The following VIPR2 variants were observed in gnomAD, a reference collection of about 807,000 sequenced individuals.
The protein encoded by VIPR2 is vasoactive intestinal polypeptide receptor 2.
VIPR2 carries 48 observed loss-of-function variants against 58.0 expected under a neutral mutation model. That is an observed-to-expected ratio of 0.83 (90% confidence interval 0.66 to 1.05). The LOEUF is 1.05. Among genes scored for constraint, VIPR2 ranks in the 50% least tolerant of loss-of-function variants. VIPR2 has a pLI of 0.00. For synonymous variants in VIPR2, 243 were observed against 235.2 expected, an observed-to-expected ratio of 1.03 and a Z score of -0.30; for missense variants, 534 against 558.0, an observed-to-expected ratio of 0.96 and a Z score of 0.43.
chr7:159,144,228 G>A, intron 1 of VIPR2: 1 of 1,313,862 alleles, frequency 7.6e-7, no homozygotes. Context: ...GTGCCCTTGG[G>A]AAAAAGCAAC....
Position 159,072,073 on chromosome 7 carries a change from C to T in VIPR2, c.358-13495G>A, listed in dbSNP as rs141086329. 5.3e-3 allele frequency among the ~76,000 whole-genome samples: 676 copies of T among 128,596 alleles called. 1 individual carries two copies. The highest frequency in any genetic ancestry group is 0.012 in the African/African-American group (379 of 31,064). 84.4% of individuals were successfully genotyped at this position (128,596 alleles called of 152,430 possible). A position where few individuals can be genotyped will look rare whatever the true frequency, so the allele number is the denominator to read the frequency against. ...AATCCAGAATCCCATGTCTCTAGGC[C>T]GGGAACCCTGCAGCACCTGCTGGAT... On this transcript the variant is annotated intron_variant, in intron 4 of 12. Coordinates refer to ENST00000262178, the MANE Select transcript of VIPR2 (RefSeq NM_003382.5).
chr7:159,144,373 G>A, intron 1 of VIPR2: 2 of 1,542,996 alleles, frequency 1.3e-6, no homozygotes, highest in Middle Eastern at 1.7e-4. Context: ...CGCGCAGCCC[G>A]CGCAGGCGCC....
rs746157412 is a variant in VIPR2 at position 159,034,545 on chromosome 7, CCA to C, written c.879+34_879+35del. The C allele has an allele frequency of 5.0e-6, 8 of 1,591,770 alleles. No individual in the cohort carries two copies. In the East Asian group the frequency reaches 1.8e-4, roughly 36 times the overall value. On this transcript the variant is annotated intron_variant, in intron 9 of 12. Coordinates refer to ENST00000262178, the MANE Select transcript of VIPR2 (RefSeq NM_003382.5). The stretch of plus-strand genomic sequence containing the variant: ...TTGCTGTCTGCCCAAGTGTGTGATT[CCA>C]CAGATAATCCACATGTCAACAGGGA...
intron 4 of VIPR2, among the ~76,000 whole-genome samples, chr7:159,067,588 T>G (rs1245054751): frequency 1.3e-5 from 2 of 152,192 alleles, no homozygotes; most frequent in East Asian, 3.8e-4. Context: ...GAATGTACAA[T>G]AGCTCTGATC....
At chr7:159,120,827 T>C (rs1425601955) in intron 2 of VIPR2, among the ~76,000 whole-genome samples, 1 of 152,204 alleles carries the variant, frequency 6.6e-6, no homozygotes, top group African/African-American at 2.4e-5. Context: ...AGTATTTCTG[T>C]CCACTCTTTG....
intron 2 of VIPR2, among the ~76,000 whole-genome samples, chr7:159,136,008 G>T (rs1435935945): frequency 1.3e-5 from 2 of 152,160 alleles, no homozygotes; most frequent in Non-Finnish European, 2.9e-5. Context: ...TGACCAAAGA[G>T]GTTCGAGTCC....
rs2129495517 is a variant in VIPR2, at chr7:159,095,570, A to T, written c.357+8187T>A. ...TTAAAATTTGATTTTTGTAAATATA[A>T]AACCAATATATTCTTATTTTTGAAA... On this transcript the variant is annotated intron_variant, in intron 4 of 12. Transcript: ENST00000262178. The surrounding 1 kb of genome is among the most constrained non-coding windows in gnomAD (Gnocchi z 5.2). Among the ~76,000 whole-genome samples the T allele has an allele frequency of 6.6e-6, 1 of 152,344 alleles. No individual in the cohort carries two copies. Among genetic ancestry groups the T allele is most frequent in the South Asian group, 2.1e-4 (1 of 4,824 alleles).
chr7:159,076,789 G>T (rs957889517), intron 4 of VIPR2, among the ~76,000 whole-genome samples: 1 of 152,186 alleles, frequency 6.6e-6, no homozygotes, highest in African/African-American at 2.4e-5. Flanking sequence ...TCTTTGGTGA[G>T]TAAGAATATC....
chr7:159,038,918 C>T (rs1042633260), intron 6 of VIPR2, among the ~76,000 whole-genome samples: 1 of 152,124 alleles, frequency 6.6e-6, no homozygotes, highest in Non-Finnish European at 1.5e-5. Context: ...ATTTTTATGA[C>T]GCCAATATTA....
chr7:159,058,705 T>C, intron 4 of VIPR2, 127 bp from the exon 5 acceptor site: 4 of 680,950 alleles, frequency 5.9e-6, no homozygotes, highest in Middle Eastern at 5.3e-4. Flanking sequence ...AGGCACGAGA[T>C]AGTCTCGCTT....
chr7:159,039,038 G>A (rs1026671612), intron 6 of VIPR2, among the ~76,000 whole-genome samples: 1 of 152,232 alleles, frequency 6.6e-6, no homozygotes, highest in Non-Finnish European at 1.5e-5. Flanking sequence ...CAGTGCCAAC[G>A]CCCACCAGAC....
At chr7:159,113,324 C>T (rs189568066) in intron 2 of VIPR2, among the ~76,000 whole-genome samples, 3 of 152,328 alleles carry the variant, frequency 2.0e-5, no homozygotes, top group East Asian at 3.9e-4. Flanking sequence ...CCCGTGCATG[C>T]AGCCCCTGTC....
intron 3 of VIPR2, among the ~76,000 whole-genome samples, chr7:159,105,492 T>A (rs981913671): frequency 2.6e-5 from 4 of 152,184 alleles, no homozygotes; most frequent in African/African-American, 9.7e-5. Flanking sequence ...GTGGGGTGCG[T>A]GCATGATTCT....
At chr7:159,048,697 G>A (rs1440717441) in intron 5 of VIPR2, among the ~76,000 whole-genome samples, 1 of 152,114 alleles carries the variant, frequency 6.6e-6, no homozygotes, top group East Asian at 1.9e-4. Context: ...TTAAAATGAG[G>A]CTACTAGAAT....
At chr7:159,070,254 G>A (rs1048946201) in intron 4 of VIPR2, among the ~76,000 whole-genome samples, 2 of 152,192 alleles carry the variant, frequency 1.3e-5, no homozygotes, top group Admixed American at 1.3e-4. Context: ...CCAAGCAGCC[G>A]CCCCTGCATC....
chr7:159,035,976 G>A lies in VIPR2; in HGVS notation c.785C>T (p.Ala262Val). 6.2e-7 allele frequency: 1 copy of A among 1,613,794 alleles called. No individual in the cohort carries two copies. Among genetic ancestry groups the A allele is most frequent in the Non-Finnish European group, 8.5e-7 (1 of 1,179,908 alleles). The change falls in exon 8 of 13, where the codon GCC becomes GTC. Residue 262 changes from alanine (A) to valine (V), a missense_variant. This residue lies in a region of VIPR2 where 306 missense variants were observed against 285.8 expected (regional missense o/e 1.07). Coordinates refer to ENST00000262178, the MANE Select transcript of VIPR2 (RefSeq NM_003382.5). The stretch of plus-strand genomic sequence containing the variant: ...CCCGGTGTCTTCTAAGTAGAGCCTG[G>A]CCGCAGTCCATGCACCGATGCAGAC... ...PTVCIGAWTA[A>V]RLYLEDTGCW...
At chr7:159,075,666 A>G (rs1856599973) in intron 4 of VIPR2, among the ~76,000 whole-genome samples, 1 of 149,838 alleles carries the variant, frequency 6.7e-6, no homozygotes, top group Non-Finnish European at 1.5e-5. Flanking sequence ...GACCTGCCAC[A>G]TCAGGGAGTA....
At chr7:159,061,289 A>G (rs1042486067) in intron 4 of VIPR2, among the ~76,000 whole-genome samples, 1 of 151,264 alleles carries the variant, frequency 6.6e-6, no homozygotes, top group Non-Finnish European at 1.5e-5. Flanking sequence ...ACTTATCATC[A>G]TGAAATATAT....
intron 5 of VIPR2, among the ~76,000 whole-genome samples, chr7:159,053,401 G>T (rs940459926): frequency 6.6e-6 from 1 of 152,046 alleles, no homozygotes; most frequent in Admixed American, 6.6e-5. Flanking sequence ...AAAACACTGA[G>T]AAATTAAAGA....
Sources: allele counts gnomAD v4.1 joint callset (sites outside exome capture counted in the v4.1 genomes callset), GRCh38; gene constraint gnomAD v4.1.1; regional missense constraint gnomAD v4.1.1; non-coding constraint Gnocchi (gnomAD v3.1); transcripts MANE v1.5; gene names NCBI Gene and HGNC (gene_info 2026-07-23, HGNC 2026-07-21).